SDK2: variants seen among roughly 807,000 people sequenced by gnomAD.
SDK2 encodes protein sidekick-2.
In SDK2, 105 loss-of-function variants were observed where a neutral mutation model predicts 253.9. The ratio of observed to expected loss-of-function variants is 0.41; its 90% CI spans 0.35 to 0.49. The LOEUF (loss-of-function observed/expected upper bound fraction) is 0.49. SDK2 is among the 20% of genes least tolerant of loss of function. The pLI, the probability that SDK2 is intolerant of heterozygous loss-of-function variation, is 0.06. For synonymous variants in SDK2, 1,249 were observed against 1,234.9 expected, an observed-to-expected ratio of 1.01 and a Z score of -0.24; for missense variants, 2,608 against 3,003.0, an observed-to-expected ratio of 0.87 and a Z score of 3.07.
At chr17:73,388,910 CTCCCT>C (rs1295331929) in intron 29 of SDK2, among the ~76,000 whole-genome samples, 2 of 88,350 alleles carry the variant, frequency 2.3e-5, no homozygotes, top group African/African-American at 9.6e-5. Context: ...CCCTCCCTCC[CTCCCT>C]TTTTCCCCCC....
At position 73,471,399 on chromosome 17, in the gene SDK2, A is replaced by G. The variant is rs146155015; in HGVS notation, c.331+713T>C. 5.2e-3 allele frequency among the ~76,000 whole-genome samples: 791 copies of G among 152,250 alleles called. 7 individuals carry two copies. The highest frequency in any genetic ancestry group is 0.018 in the African/African-American group (753 of 41,552). ...GATCACTTGAGGTCAGGAGTTGGAG[A>G]CCAGCCTGGCCAACATGGTGAAACC... On this transcript the variant is annotated intron_variant, in intron 3 of 44. Transcript: ENST00000392650.
intron 38 of SDK2, among the ~76,000 whole-genome samples, chr17:73,362,938 C>T (rs909297796): frequency 7.9e-5 from 12 of 152,236 alleles, no homozygotes; most frequent in Non-Finnish European, 1.8e-4. Flanking sequence ...CCAGTGATGG[C>T]GCCGGCCCCG....
At chr17:73,507,402 G>A (rs2063944347) in intron 2 of SDK2, 36 bp downstream of exon 2, 1 of 1,538,442 alleles carries the variant, frequency 6.5e-7, no homozygotes. Context: ...CAGTGGTCCT[G>A]GCAGCCAGGA....
Position 73,431,571 on chromosome 17 carries a change from C to A in SDK2, c.1411G>T (p.Gly471Trp). ...LISPTHISDAGTYTCLATNSR... is the reference protein window; with the variant it reads ...LISPTHISDAWTYTCLATNSR... ...TTGGTGGCCAGGCAGGTGTAGGTCC[C>A]CGCATCGGAGATGTGTGTGGGGCTG... Residue 471 changes from glycine to tryptophan, a missense_variant, in exon 11 of 45, where the codon GGG becomes TGG. This residue lies in a region of SDK2 where 1,505 missense variants were observed against 1,859.1 expected (regional missense o/e 0.81). Coordinates refer to ENST00000392650, the MANE Select transcript of SDK2 (RefSeq NM_001144952.2). The surrounding 1 kb of genome is among the most constrained non-coding windows in gnomAD (Gnocchi z 5.6). 6.2e-7 allele frequency: 1 copy of A among 1,613,756 alleles called. No homozygotes were observed. The highest frequency in any genetic ancestry group is 1.3e-5 in the African/African-American group (1 of 75,010).
intron 2 of SDK2, among the ~76,000 whole-genome samples, chr17:73,494,807 C>T (rs1370921367): frequency 1.3e-5 from 2 of 152,206 alleles, no homozygotes; most frequent in Non-Finnish European, 2.9e-5. Flanking sequence ...AGAACCTGTC[C>T]TAAAGCAGGA....
chr17:73,405,168 C>T (rs564058539), intron 18 of SDK2, among the ~76,000 whole-genome samples: 15 of 148,906 alleles, frequency 1.0e-4, no homozygotes, highest in South Asian at 2.2e-4. Flanking sequence ...TTAGGCTGGG[C>T]ATGGTGGCTT....
chr17:73,359,392 A>G (rs576525326), intron 39 of SDK2, among the ~76,000 whole-genome samples: 135 of 151,932 alleles, frequency 8.9e-4, no homozygotes, highest in Non-Finnish European at 1.3e-3. Flanking sequence ...TTCCTTCCCT[A>G]TGGAGCAGCC....
At chr17:73,532,927 G>T (rs1322659967) in intron 1 of SDK2, among the ~76,000 whole-genome samples, 1 of 152,150 alleles carries the variant, frequency 6.6e-6, no homozygotes, top group Non-Finnish European at 1.5e-5. Context: ...TCGGCACAGC[G>T]GTTTACCCAG....
chr17:73,430,433 T>G (rs1483807202), intron 12 of SDK2, 78 bp downstream of exon 12: 14 of 1,109,646 alleles, frequency 1.3e-5, no homozygotes, highest in Non-Finnish European at 1.7e-5. Context: ...CTCCCTAATG[T>G]GGACACTCGC....
At chr17:73,559,923 A>G (rs866367188) in intron 1 of SDK2, among the ~76,000 whole-genome samples, 2 of 152,074 alleles carry the variant, frequency 1.3e-5, no homozygotes, top group African/African-American at 4.8e-5. Context: ...CTCACTAAGC[A>G]TTTCCTCTGT....
In SDK2 at chr17:73,534,074, C is replaced by T. The variant is rs973222997; in HGVS notation, c.65-26477G>A. Among the ~76,000 whole-genome samples the T allele has an allele frequency of 2.2e-4, 34 of 152,122 alleles. No homozygotes were observed. Among genetic ancestry groups the T allele is most frequent in the African/African-American group, 8.2e-4 (34 of 41,424 alleles). On this transcript the variant is annotated intron_variant, in intron 1 of 44. Coordinates refer to ENST00000392650, the MANE Select transcript of SDK2 (RefSeq NM_001144952.2). This position sits in a 1 kb window ranked among gnomAD's most constrained non-coding sequence, Gnocchi z 4.9. ...CCTCCTCCTCCTCCTCCTTCCCCGC[C>T]TCCTCCCCTCCTCTTCCTCCTCCTC... is the stretch of plus-strand genomic sequence containing the variant.
chr17:73,491,585 T>C (rs114633809), intron 2 of SDK2, among the ~76,000 whole-genome samples: 2,269 of 152,252 alleles, frequency 0.015, 54 homozygotes, highest in African/African-American at 0.052. Flanking sequence ...GTTGCACAGG[T>C]CTCTGTGCTT....
intron 1 of SDK2, among the ~76,000 whole-genome samples, chr17:73,523,889 C>G (rs1426775529): frequency 1.3e-5 from 2 of 152,166 alleles, no homozygotes; most frequent in Admixed American, 1.3e-4. Flanking sequence ...ATCACGACAG[C>G]CCTAAACTTC....
At chr17:73,470,420 C>A (rs138711969) in intron 3 of SDK2, among the ~76,000 whole-genome samples, 3 of 152,316 alleles carry the variant, frequency 2.0e-5, no homozygotes, top group African/African-American at 7.2e-5. Context: ...CATGCACACA[C>A]CTTGGCACAC....
chr17:73,351,901 G>C (rs541686745), intron 41 of SDK2, among the ~76,000 whole-genome samples: 3 of 152,040 alleles, frequency 2.0e-5, no homozygotes, highest in Non-Finnish European at 4.4e-5. Context: ...CTTCTGCTTG[G>C]GGGAAGGGGC....
At chr17:73,360,557 T>C (rs2062631716) in intron 39 of SDK2, among the ~76,000 whole-genome samples, 1 of 145,308 alleles carries the variant, frequency 6.9e-6, no homozygotes, top group Admixed American at 7.0e-5. Context: ...CATTCTACAC[T>C]GACCAGTAAC....
chr17:73,439,157 C>G (rs1315414486), intron 6 of SDK2, among the ~76,000 whole-genome samples: 14 of 152,146 alleles, frequency 9.2e-5, no homozygotes, highest in Non-Finnish European at 4.4e-5. Flanking sequence ...TCCCCTCTCT[C>G]TTGTTCCCTC....
intron 1 of SDK2, among the ~76,000 whole-genome samples, chr17:73,628,739 G>C (rs1053374440): frequency 6.6e-6 from 1 of 152,228 alleles, no homozygotes; most frequent in Non-Finnish European, 1.5e-5. Context: ...CCTCCTCCCT[G>C]ATTCCCAGCC....
chr17:73,390,430 A>G lies in SDK2; in HGVS notation c.4049T>C (p.Val1350Ala), dbSNP rs1164883971. 1 of 1,612,528 alleles carries G rather than the reference A, an allele frequency of 6.2e-7. No individual in the cohort carries two copies. Among genetic ancestry groups the G allele is most frequent in the African/African-American group, 1.3e-5 (1 of 74,986 alleles). The change falls in exon 29 of 45, where the codon GTG becomes GCG. Residue 1350 changes from valine to alanine, a missense_variant. Physicochemically the swap from Val to Ala is moderately conservative, Grantham distance 64. Transcript: ENST00000392650. ...CCGGGCGCTGGGTGCCAGCACCTCC[A>G]CAGTGGCGGTGTTGGCCGTGGTGGT... ...LNTTTANTAT[V>A]EVLAPSARQY...
Sources: gnomAD v4.1 joint callset for allele counts (sites outside exome capture counted in the v4.1 genomes callset) on GRCh38, gnomAD v4.1.1 for gene constraint, gnomAD v4.1.1 regional missense constraint, Gnocchi (gnomAD v3.1) non-coding constraint, MANE v1.5 for transcripts, NCBI Gene and HGNC (gene_info 2026-07-23, HGNC 2026-07-21) for gene names.